MGAT1: variants seen among roughly 807,000 people sequenced by gnomAD.
MGAT1 encodes the protein N-glycosyl-oligosaccharide-glycoprotein N-acetylglucosaminyltransferase I.
Under a neutral mutation model 31.7 loss-of-function variants are expected in MGAT1, and 14 were observed. The observed-to-expected ratio is 0.44, with a 90% CI of 0.29 to 0.69. The LOEUF (loss-of-function observed/expected upper bound fraction) is 0.69, where lower values mean the gene tolerates loss of function less well. Ranked by LOEUF, MGAT1 falls within the 30% of genes least tolerant of loss-of-function variation. The pLI is 0.12. For synonymous variants in MGAT1, 338 were observed against 276.0 expected, an observed-to-expected ratio of 1.22 and a Z score of -2.23; for missense variants, 557 against 626.0, an observed-to-expected ratio of 0.89 and a Z score of 1.18.
chr5:180,799,546 A>G (rs989061857), intron 1 of MGAT1, among the ~76,000 whole-genome samples: 11 of 152,146 alleles, frequency 7.2e-5, no homozygotes, highest in Non-Finnish European at 1.5e-4. Context: ...CCTTAGGAAA[A>G]AAGACTCTAT....
In MGAT1 at chr5:180,788,652, T is replaced by C. The variant is rs1487795733; in HGVS notation, c.*2982A>G. The C allele has an allele frequency of 6.6e-6, 1 of 151,860 alleles. No individual in the cohort carries two copies. The highest frequency in any genetic ancestry group is 2.1e-4 in the South Asian group (1 of 4,804). 9.4% of individuals were successfully genotyped at this position (151,860 alleles called of 1,614,324 possible). On this transcript the variant is annotated 3_prime_UTR_variant, in exon 2 of 2. Coordinates refer to ENST00000307826, the MANE Select transcript of MGAT1 (RefSeq NM_002406.4). Reference sequence around the variant, plus strand: ...TGAGGATCAAGTAAGTTGGTACTTATCCTGGAGCACTAAGTAAGTTGGTAC... The same window carrying C: ...TGAGGATCAAGTAAGTTGGTACTTACCCTGGAGCACTAAGTAAGTTGGTAC...
At chr5:180,812,410 G>T (rs1433858208) in intron 1 of MGAT1, among the ~76,000 whole-genome samples, 1 of 152,082 alleles carries the variant, frequency 6.6e-6, no homozygotes, top group Non-Finnish European at 1.5e-5. Flanking sequence ...TTACTTAAGT[G>T]ACCTTCGATT....
intron 1 of MGAT1, among the ~76,000 whole-genome samples, chr5:180,801,974 G>A (rs6871213): frequency 1.3e-5 from 2 of 152,142 alleles, no homozygotes; most frequent in African/African-American, 2.4e-5. Flanking sequence ...ATGTGAGCAC[G>A]TAAGAGCAAA....
rs201354617 is a variant in MGAT1 at position 180,791,123 on chromosome 5, CCCA to C, written c.*508_*510del. ...GGCAGGAGGCAGTGAGCCCCGATGA[CCCA>C]CCAACTCCACCAGGCCCTGACAAGG... On this transcript the variant is annotated 3_prime_UTR_variant, in exon 2 of 2. Coordinates refer to ENST00000307826, the MANE Select transcript of MGAT1 (RefSeq NM_002406.4). 1,034 of 157,744 alleles carry C rather than the reference CCCA, an allele frequency of 6.6e-3. 23 individuals carry two copies. The highest frequency in any genetic ancestry group is 0.024 in the African/African-American group (990 of 41,648). The allele number at this position is 157,744 out of a possible 1,614,324, so 9.8% of individuals were successfully genotyped here. A position where few individuals can be genotyped will look rare whatever the true frequency, so the allele number is the denominator to read the frequency against.
chr5:180,808,563 T>C (rs191330602), intron 2 of MGAT1: 7 of 152,410 alleles, frequency 4.6e-5, no homozygotes, highest in African/African-American at 1.4e-4. Flanking sequence ...ATTTCCTGAA[T>C]AGTAGCCTCC....
chr5:180,791,584 A>G lies in MGAT1; in HGVS notation c.*50T>C, dbSNP rs1196042784. 2.5e-6 allele frequency: 4 copies of G among 1,589,606 alleles called. No individual in the cohort carries two copies. The South Asian group carries it at 4.6e-5, about 18-fold the overall frequency. On this transcript the variant is annotated 3_prime_UTR_variant, in exon 2 of 2. Transcript: ENST00000307826. ...GATGCAGCCTGGGGACTGTGGTCCC[A>G]CCTCAGCTCATGATGTGGCAAGGAG...
chr5:180,814,950 AAAAAATT>A (rs1355402893), intron 1 of MGAT1, among the ~76,000 whole-genome samples: 1 of 151,586 alleles, frequency 6.6e-6, no homozygotes, highest in African/African-American at 2.4e-5. Context: ...CAAAAAAAAA[AAAAAATT>A]AAAAATTAAA....
In MGAT1 at chr5:180,810,987, C is replaced by CG. The variant is rs1336258303; in HGVS notation, c.-545-1922dup. 9 of 152,366 alleles carry CG rather than the reference C, an allele frequency of 5.9e-5. No individual in the cohort carries two copies. The East Asian group carries it at 1.7e-3, about 29-fold the overall frequency. 9.4% of individuals were successfully genotyped at this position (152,366 alleles called of 1,614,324 possible). On this transcript the variant is annotated intron_variant, in intron 1 of 2. Coordinates refer to the MGAT1 transcript ENST00000333055. ...CGGCGCGGCCCTTCCCGTCGTGCCC[C>CG]GGGCTCCTCGGAAGCAGCCTCCCGC...
chr5:180,785,818 G>C lies in MGAT1; in HGVS notation c.*5816C>G, dbSNP rs1405037360. On this transcript the variant is annotated 3_prime_UTR_variant, in exon 2 of 2. Transcript: ENST00000307826. ...AACAGTATTTCCAAAGGAGGCTTTT[G>C]GCAGGCTTGCCTCATTGCCCTTGCA... 2.0e-5 allele frequency: 3 copies of C among 152,304 alleles called. No individual in the cohort carries two copies. The highest frequency in any genetic ancestry group is 2.9e-5 in the Non-Finnish European group (2 of 68,066). 9.4% of individuals were successfully genotyped at this position (152,304 alleles called of 1,614,324 possible).
At chr5:180,794,900 C>A (rs1769014746) in intron 1 of MGAT1, among the ~76,000 whole-genome samples, 1 of 152,142 alleles carries the variant, frequency 6.6e-6, no homozygotes, top group Non-Finnish European at 1.5e-5. Context: ...TAACTTTATT[C>A]ATAATCACTC....
At position 180,791,901 on chromosome 5, in the gene MGAT1, A is replaced by G. The variant is rs1469792868; in HGVS notation, c.1071T>C (p.Asp357=). The part of the protein sequence containing the change: ...SYLQREAYDR[D]FLARVYGAPQ... Reference sequence around the variant, plus strand: ...GAGCACCGTAGACGCGGGCGAGGAAATCTCGGTCATAGGCCTCCCGCTGCA... The same window carrying G: ...GAGCACCGTAGACGCGGGCGAGGAAGTCTCGGTCATAGGCCTCCCGCTGCA... Residue 357 remains aspartate, a synonymous_variant, in exon 2 of 2, where the codon GAT becomes GAC. Coordinates refer to ENST00000307826, the MANE Select transcript of MGAT1 (RefSeq NM_002406.4). 1 of 1,614,182 alleles carries G rather than the reference A, an allele frequency of 6.2e-7. No homozygotes were observed. Among genetic ancestry groups the G allele is most frequent in the Admixed American group, 1.7e-5 (1 of 60,022 alleles).
At chr5:180,806,854 G>T (rs879305631), upstream of MGAT1, among the ~76,000 whole-genome samples, 1 of 152,192 alleles carries the variant, frequency 6.6e-6, no homozygotes. Context: ...GTATCCCCGA[G>T]GGATCACTGT....
upstream of MGAT1, among the ~76,000 whole-genome samples, chr5:180,805,752 A>C (rs899781819): frequency 1.3e-5 from 2 of 152,018 alleles, no homozygotes; most frequent in Non-Finnish European, 2.9e-5. Flanking sequence ...TCCATCTCAA[A>C]AAAAAAAAGT....
At chr5:180,799,581 T>C (rs1318007749) in intron 1 of MGAT1, among the ~76,000 whole-genome samples, 2 of 152,214 alleles carry the variant, frequency 1.3e-5, no homozygotes, top group African/African-American at 4.8e-5. Flanking sequence ...CCACAGTGCT[T>C]GGCACATGTA....
chr5:180,813,763 C>T (rs1316655758), intron 1 of MGAT1, among the ~76,000 whole-genome samples: 1 of 152,182 alleles, frequency 6.6e-6, no homozygotes, highest in Non-Finnish European at 1.5e-5. Flanking sequence ...CCTCGCATCT[C>T]CATCAGAAGC....
Position 180,793,109 on chromosome 5 carries a change from A to G in MGAT1, c.-126-12T>C. 1 of 1,063,606 alleles carries G rather than the reference A, an allele frequency of 9.4e-7. No homozygotes were observed. Among genetic ancestry groups the G allele is most frequent in the Non-Finnish European group, 1.3e-6 (1 of 752,580 alleles). The allele number at this position is 1,063,606 out of a possible 1,614,324, so 65.9% of individuals were successfully genotyped here. A position where few individuals can be genotyped will look rare whatever the true frequency, so the allele number is the denominator to read the frequency against. On this transcript the variant is annotated splice_polypyrimidine_tract_variant and intron_variant, in intron 1 of 1. Coordinates refer to ENST00000307826, the MANE Select transcript of MGAT1 (RefSeq NM_002406.4). The stretch of plus-strand genomic sequence containing the variant: ...AGGCAGCCATGCACCTAAAGACAGG[A>G]GAGAGAAAGCAAACCGTCACACAAA...
At chr5:180,805,372 A>G (rs1291902194), upstream of MGAT1, among the ~76,000 whole-genome samples, 2 of 152,356 alleles carry the variant, frequency 1.3e-5, no homozygotes, top group East Asian at 3.9e-4. Flanking sequence ...CCCATAAACC[A>G]TGCCCAAGAT....
At chr5:180,813,322 C>A (rs1256715115) in intron 1 of MGAT1, among the ~76,000 whole-genome samples, 1 of 152,148 alleles carries the variant, frequency 6.6e-6, no homozygotes, top group Non-Finnish European at 1.5e-5. Flanking sequence ...AATGTTGAAC[C>A]TGTTTTTATG....
At position 180,792,451 on chromosome 5, in the gene MGAT1, G is replaced by A. The variant is rs141716191; in HGVS notation, c.521C>T (p.Pro174Leu). 407 of 1,612,324 alleles carry A rather than the reference G, an allele frequency of 2.5e-4. 2 individuals carry two copies. In the East Asian group the frequency reaches 6.1e-3, roughly 24 times the overall value. Reference sequence around the variant, plus strand: ...GTAGCCCTGGAACTTGCGGTGGTCCGGCGGCACCGCAATGCTGCTCAGGTC... The same window carrying A: ...GTAGCCCTGGAACTTGCGGTGGTCCAGCGGCACCGCAATGCTGCTCAGGTC... ...QPDLSSIAVP[P>L]DHRKFQGYYK... is the part of the protein sequence containing the mutation. The change falls in exon 2 of 2, where the codon CCG becomes CTG. Residue 174 changes from proline (P) to leucine (L), a missense_variant. By Grantham distance (98) the Pro-to-Leu change is moderately conservative (BLOSUM62 -3). Transcript: ENST00000307826.
Sources: gnomAD v4.1 joint callset for allele counts (sites outside exome capture counted in the v4.1 genomes callset) on GRCh38, gnomAD v4.1.1 for gene constraint, MANE v1.5 for transcripts, NCBI Gene and HGNC (gene_info 2026-07-23, HGNC 2026-07-21) for gene names.